SPMIP2: variants seen among roughly 807,000 people sequenced by gnomAD.
SPMIP2 encodes sperm microtubule inner protein 2.
At chr4:158,968,148 G>A in the SPMIP2 span, among the ~76,000 whole-genome samples, 49,826 of 151,742 alleles carry the variant, frequency 0.33, 8,368 homozygotes, top group South Asian at 0.44. Context: ...TCCTGTCTCA[G>A]CCTCCTGAGT....
the SPMIP2 span, among the ~76,000 whole-genome samples, chr4:158,916,706 C>T: frequency 1.4e-4 from 21 of 152,232 alleles, no homozygotes; most frequent in East Asian, 3.9e-4. Context: ...TGCAATGACA[C>T]GATCTCTGCT....
the SPMIP2 span, among the ~76,000 whole-genome samples, chr4:158,896,092 G>A: frequency 4.6e-5 from 7 of 152,198 alleles, no homozygotes; most frequent in African/African-American, 1.7e-4. Context: ...TAGGCTGGTC[G>A]TGCTTTGTTG....
chr4:159,004,746 C>T, the SPMIP2 span, among the ~76,000 whole-genome samples: 2 of 152,078 alleles, frequency 1.3e-5, no homozygotes, highest in Non-Finnish European at 2.9e-5. Context: ...CATTTACTCA[C>T]TTTGATTAAT....
At chr4:159,028,175 G>T in the SPMIP2 span, among the ~76,000 whole-genome samples, 6 of 151,914 alleles carry the variant, frequency 3.9e-5, no homozygotes, top group South Asian at 1.0e-3. Flanking sequence ...ATTCCCATCT[G>T]AAAAAATAGG....
the SPMIP2 span, among the ~76,000 whole-genome samples, chr4:158,957,037 T>A: frequency 1.5e-4 from 23 of 151,990 alleles, no homozygotes; most frequent in East Asian, 4.5e-3. Flanking sequence ...GTTCAAGTGA[T>A]TCTCCTGCCT....
chr4:158,940,553 T>G, the SPMIP2 span, among the ~76,000 whole-genome samples: 1 of 91,632 alleles, frequency 1.1e-5, no homozygotes, highest in Non-Finnish European at 2.3e-5. Flanking sequence ...AATTCTGTTG[T>G]TCCTTCTTTT....
At chr4:158,972,674 G>C in the SPMIP2 span, among the ~76,000 whole-genome samples, 1 of 152,212 alleles carries the variant, frequency 6.6e-6, no homozygotes, top group East Asian at 1.9e-4. Context: ...TCAGTACAGT[G>C]AATCTTAAAG....
the SPMIP2 span, among the ~76,000 whole-genome samples, chr4:158,897,002 C>G: frequency 3.3e-5 from 5 of 152,080 alleles, no homozygotes; most frequent in African/African-American, 9.7e-5. Flanking sequence ...CCCAGCCCCC[C>G]ACCCGCCAAA....
At chr4:158,947,859 C>A in the SPMIP2 span, among the ~76,000 whole-genome samples, 1 of 152,072 alleles carries the variant, frequency 6.6e-6, no homozygotes, top group Non-Finnish European at 1.5e-5. Context: ...AAATAATTTT[C>A]ATTTTTACCA....
the SPMIP2 span, among the ~76,000 whole-genome samples, chr4:159,032,656 G>A: frequency 4.6e-5 from 7 of 152,064 alleles, no homozygotes; most frequent in Admixed American, 6.6e-5. Flanking sequence ...AGATTTATTG[G>A]CTGATGAAAA....
At chr4:158,954,675 G>A in the SPMIP2 span, among the ~76,000 whole-genome samples, 1 of 152,200 alleles carries the variant, frequency 6.6e-6, no homozygotes, top group Non-Finnish European at 1.5e-5. Context: ...TTTTTCTCGA[G>A]TTCAATGACT....
chr4:159,027,981 A>T, the SPMIP2 span, among the ~76,000 whole-genome samples: 1 of 152,184 alleles, frequency 6.6e-6, no homozygotes, highest in Non-Finnish European at 1.5e-5. Flanking sequence ...TCTGGTTTAC[A>T]TGAGCAGACT....
At chr4:158,923,293 C>T in the SPMIP2 span, among the ~76,000 whole-genome samples, 1 of 152,102 alleles carries the variant, frequency 6.6e-6, no homozygotes, top group Non-Finnish European at 1.5e-5. Context: ...TACAAAGAAG[C>T]CAGTTGAGAT....
the SPMIP2 span, among the ~76,000 whole-genome samples, chr4:158,981,262 A>G: frequency 6.6e-6 from 1 of 152,206 alleles, no homozygotes; most frequent in Non-Finnish European, 1.5e-5. Flanking sequence ...GGAGAATGGA[A>G]CCAAGTTGGA....
At chr4:159,062,020 C>T in the SPMIP2 span, among the ~76,000 whole-genome samples, 1 of 152,106 alleles carries the variant, frequency 6.6e-6, no homozygotes, top group South Asian at 2.1e-4. Flanking sequence ...AACAGTACAG[C>T]CTTGTTTGCA....
At chr4:158,911,371 TAAATAAATAAATA>T in the SPMIP2 span, among the ~76,000 whole-genome samples, 7 of 146,834 alleles carry the variant, frequency 4.8e-5, no homozygotes, top group African/African-American at 1.9e-4. Context: ...AATAAATAAA[TAAATAAATAAATA>T]AAATAAATAA....
the SPMIP2 span, among the ~76,000 whole-genome samples, chr4:159,043,241 G>A: frequency 3.3e-5 from 5 of 152,222 alleles, no homozygotes; most frequent in Non-Finnish European, 7.3e-5. Flanking sequence ...CAAGAGGGAA[G>A]CAGAGAGGGA....
chr4:159,063,291 G>A, the SPMIP2 span, among the ~76,000 whole-genome samples: 1 of 152,186 alleles, frequency 6.6e-6, no homozygotes, highest in African/African-American at 2.4e-5. Context: ...GGGCATGGTG[G>A]CTCACGCCTG....
chr4:158,959,256 A>C, the SPMIP2 span, among the ~76,000 whole-genome samples: 1 of 152,300 alleles, frequency 6.6e-6, no homozygotes, highest in East Asian at 1.9e-4. Flanking sequence ...GTGGTCTTTA[A>C]TGTTTTTCTT....
Sources: allele counts gnomAD v4.1 joint callset (sites outside exome capture counted in the v4.1 genomes callset), GRCh38; gene constraint gnomAD v4.1.1; transcripts MANE v1.5; gene names NCBI Gene and HGNC (gene_info 2026-07-23, HGNC 2026-07-21).